The following RAD51B variants were observed in gnomAD, a reference collection of about 807,000 sequenced individuals.
The protein encoded by RAD51B is DNA repair protein RAD51 homolog 2.
In RAD51B, 38 loss-of-function variants were observed where a neutral mutation model predicts 42.2. That is an observed-to-expected ratio of 0.90 (90% CI 0.70 to 1.18). The LOEUF (loss-of-function observed/expected upper bound fraction) is 1.18. Ranked by LOEUF, RAD51B falls within the 50% of genes most tolerant of loss-of-function variation. RAD51B has a pLI of 0.00. For missense variants in RAD51B, 373 were observed against 400.7 expected (o/e 0.93, Z 0.59); for synonymous variants, 154 against 145.2 (o/e 1.06, Z -0.43).
At chr14:68,373,520 C>A (rs1594745958) in intron 8 of RAD51B, among the ~76,000 whole-genome samples, 2 of 152,016 alleles carry the variant, frequency 1.3e-5, no homozygotes, top group Non-Finnish European at 2.9e-5. Context: ...AACGCAGGAA[C>A]AGAAAACCAA....
intron 7 of RAD51B, among the ~76,000 whole-genome samples, chr14:68,199,490 A>G (rs1460123539): frequency 6.6e-6 from 1 of 152,208 alleles, no homozygotes; most frequent in Non-Finnish European, 1.5e-5. Context: ...TCAGTCTCAG[A>G]ACTTCAGACC....
At chr14:67,937,318 G>A (rs2140171419) in intron 7 of RAD51B, among the ~76,000 whole-genome samples, 1 of 152,316 alleles carries the variant, frequency 6.6e-6, no homozygotes, top group South Asian at 2.1e-4. Context: ...AAGCTAGTTA[G>A]AGAAATGATA....
chr14:67,887,332 G>A lies in RAD51B; in HGVS notation c.756+128G>A, dbSNP rs139670918. 2.7e-4 allele frequency: 204 copies of A among 754,756 alleles called. No individual in the cohort carries two copies. In the East Asian group the frequency reaches 5.7e-3, roughly 21 times the overall value. The allele number at this position is 754,756 out of a possible 1,614,324, so 46.8% of individuals were successfully genotyped here. ...TAAAACAGATGACTTTTTAAAGGTA[G>A]TACAGTCTAATTGCTATAGCAAACA... On this transcript the variant is annotated intron_variant, in intron 7 of 10. Coordinates refer to ENST00000471583, the MANE Select transcript of RAD51B (RefSeq NM_133510.4).
chr14:68,208,778 G>A (rs1457643209), intron 7 of RAD51B, among the ~76,000 whole-genome samples: 1 of 152,108 alleles, frequency 6.6e-6, no homozygotes, highest in Non-Finnish European at 1.5e-5. Flanking sequence ...ATACATTACA[G>A]CATCTCTATT....
intron 7 of RAD51B, among the ~76,000 whole-genome samples, chr14:68,181,245 C>T (rs1456710666): frequency 6.6e-6 from 1 of 152,184 alleles, no homozygotes; most frequent in Non-Finnish European, 1.5e-5. Context: ...AGGTAATCCC[C>T]AGATTTAGTG....
intron 7 of RAD51B, among the ~76,000 whole-genome samples, chr14:68,275,314 T>A (rs1392679006): frequency 4.6e-5 from 7 of 152,172 alleles, no homozygotes; most frequent in African/African-American, 1.7e-4. Flanking sequence ...ATTCTTATAG[T>A]TGTATTGATT....
chr14:68,440,043 G>A (rs537534113), intron 9 of RAD51B, among the ~76,000 whole-genome samples: 2 of 152,338 alleles, frequency 1.3e-5, no homozygotes, highest in East Asian at 3.9e-4. Flanking sequence ...TAAGCGGTTA[G>A]TGATGCATTT....
intron 7 of RAD51B, among the ~76,000 whole-genome samples, chr14:68,023,448 T>A (rs1316411019): frequency 6.6e-6 from 1 of 152,192 alleles, no homozygotes; most frequent in African/African-American, 2.4e-5. Context: ...CTGCCTCGCC[T>A]CCTGAGTAGC....
At chr14:67,967,608 A>G (rs894192306) in intron 7 of RAD51B, among the ~76,000 whole-genome samples, 3 of 152,214 alleles carry the variant, frequency 2.0e-5, no homozygotes, top group Non-Finnish European at 2.9e-5. Flanking sequence ...GGCAAATTCT[A>G]AAGCTCCAAA....
At chr14:68,666,935 C>G (rs1893043703) in intron 11 of RAD51B, among the ~76,000 whole-genome samples, 2 of 152,192 alleles carry the variant, frequency 1.3e-5, no homozygotes, top group Non-Finnish European at 2.9e-5. Context: ...CTGCCTCTTT[C>G]AGGGTTGGCC....
At chr14:68,068,550 G>A (rs1362938086) in intron 7 of RAD51B, among the ~76,000 whole-genome samples, 1 of 151,916 alleles carries the variant, frequency 6.6e-6, no homozygotes, top group East Asian at 1.9e-4. Context: ...TCAACTTTTT[G>A]GCTGTTATGA....
intron 7 of RAD51B, among the ~76,000 whole-genome samples, chr14:67,944,102 G>A (rs909713216): frequency 4.6e-5 from 7 of 151,934 alleles, no homozygotes; most frequent in Non-Finnish European, 8.8e-5. Flanking sequence ...AGGGGGAGTG[G>A]GGGCATGGAG....
At chr14:68,256,411 T>C (rs1409251718) in intron 7 of RAD51B, among the ~76,000 whole-genome samples, 1 of 152,186 alleles carries the variant, frequency 6.6e-6, no homozygotes, top group Non-Finnish European at 1.5e-5. Context: ...AAAGGTGTCA[T>C]CTAATTTGAT....
intron 9 of RAD51B, among the ~76,000 whole-genome samples, chr14:68,447,267 A>G (rs2085442365): frequency 6.6e-6 from 1 of 152,162 alleles, no homozygotes. Context: ...ATAGTTACAT[A>G]CAAATGTGGG....
At chr14:68,083,252 C>T (rs2076939111) in intron 7 of RAD51B, among the ~76,000 whole-genome samples, 1 of 152,200 alleles carries the variant, frequency 6.6e-6, no homozygotes, top group Non-Finnish European at 1.5e-5. Flanking sequence ...TAGGGTCTTT[C>T]TATATAATTT....
chr14:68,472,643 T>C lies in RAD51B; in HGVS notation c.1036+4393T>C, dbSNP rs142974087. 2.7e-3 allele frequency among the ~76,000 whole-genome samples: 407 copies of C among 152,298 alleles called. 1 individual carries two copies. The highest frequency in any genetic ancestry group is 9.5e-3 in the African/African-American group (395 of 41,552). Reference sequence around the variant, plus strand: ...TGTTTTTTATATCATTTTTGCAAAATCAAAGTCAGGTATGACAGGTTTAAT... The same window carrying C: ...TGTTTTTTATATCATTTTTGCAAAACCAAAGTCAGGTATGACAGGTTTAAT... On this transcript the variant is annotated intron_variant, in intron 10 of 10. Coordinates refer to ENST00000471583, the MANE Select transcript of RAD51B (RefSeq NM_133510.4).
At chr14:68,391,574 T>C (rs2083759587) in intron 8 of RAD51B, among the ~76,000 whole-genome samples, 1 of 152,138 alleles carries the variant, frequency 6.6e-6, no homozygotes. Flanking sequence ...AGAGAGCAGA[T>C]GGAATAGAGC....
chr14:67,894,320 A>G (rs1566945960), intron 7 of RAD51B, among the ~76,000 whole-genome samples: 4 of 152,172 alleles, frequency 2.6e-5, no homozygotes, highest in African/African-American at 7.2e-5. Flanking sequence ...TGTCTTATTC[A>G]CTATTGTATC....
chr14:67,960,236 T>G (rs899909015), intron 7 of RAD51B, among the ~76,000 whole-genome samples: 1 of 152,232 alleles, frequency 6.6e-6, no homozygotes, highest in African/African-American at 2.4e-5. Flanking sequence ...TTCAGAGAAG[T>G]TGAATTGCTT....
Sources: gnomAD v4.1 joint callset for allele counts (sites outside exome capture counted in the v4.1 genomes callset) on GRCh38, gnomAD v4.1.1 for gene constraint, MANE v1.5 for transcripts, NCBI Gene and HGNC (gene_info 2026-07-23, HGNC 2026-07-21) for gene names.